Variants in TIMELESS observed in about 807,000 individuals in gnomAD.
The protein encoded by TIMELESS is protein timeless homolog.
TIMELESS carries 124 observed loss-of-function variants against 164.3 expected under a neutral mutation model. The ratio of observed to expected loss-of-function variants is 0.75; its 90% CI spans 0.65 to 0.88. The LOEUF (loss-of-function observed/expected upper bound fraction) is 0.88. Among genes scored for constraint, TIMELESS ranks in the 40% least tolerant of loss-of-function variants. The pLI is 0.00. For missense variants in TIMELESS, 1,422 were observed against 1,491.4 expected, an observed-to-expected ratio of 0.95 and a Z score of 0.77; for synonymous variants, 564 against 563.4, an observed-to-expected ratio of 1.00 and a Z score of -0.02.
Position 56,420,807 on chromosome 12 carries a change from A to T in TIMELESS, c.3109+6T>A. On this transcript the variant is annotated splice_donor_region_variant and intron_variant, in intron 25 of 28. Coordinates refer to ENST00000553532, the MANE Select transcript of TIMELESS (RefSeq NM_003920.5). ...CTTCTCCTAAAAGTGTCACCTGTCC[A>T]CTCACCATCCTCTTCCCGATCATCA... The T allele has an allele frequency of 6.2e-7, 1 of 1,614,074 alleles. No individual in the cohort carries two copies. The highest frequency in any genetic ancestry group is 8.5e-7 in the Non-Finnish European group (1 of 1,180,004).
intron 1 of TIMELESS, among the ~76,000 whole-genome samples, chr12:56,445,419 C>G (rs1308649840): frequency 2.7e-5 from 1 of 37,600 alleles, no homozygotes; most frequent in African/African-American, 8.6e-5. Flanking sequence ...CGAAACTCCA[C>G]GTCAAAAAAA....
At chr12:56,421,572 A>G in intron 22 of TIMELESS, 79 bp from the exon 23 acceptor site, 7 of 1,551,724 alleles carry the variant, frequency 4.5e-6, no homozygotes, top group Non-Finnish European at 6.2e-6. Context: ...CTCTGGAAAG[A>G]GGGTACCTCA....
At chr12:56,433,957 A>T (rs771049296) in intron 2 of TIMELESS, 31 bp from the exon 3 acceptor site, 1 of 1,612,842 alleles carries the variant, frequency 6.2e-7, no homozygotes, top group East Asian at 2.2e-5. Flanking sequence ...ATGCATGTGG[A>T]ACCTTGGAAG....
chr12:56,438,291 C>G (rs973742185), intron 1 of TIMELESS, among the ~76,000 whole-genome samples: 7 of 152,070 alleles, frequency 4.6e-5, no homozygotes, highest in Non-Finnish European at 1.0e-4. Flanking sequence ...GTGATCTGCC[C>G]GTCTTGGCCT....
Position 56,428,239 on chromosome 12 carries a change from C to T in TIMELESS, c.1575G>A (p.Val525=), listed in dbSNP as rs752366538. 1.5e-5 allele frequency: 24 copies of T among 1,597,666 alleles called. No homozygotes were observed. Among genetic ancestry groups the T allele is most frequent in the Middle Eastern group, 3.4e-4 (2 of 5,962 alleles). Reference sequence around the variant, plus strand: ...ACATTGTGGGGCTGCCCAGTACCTGCACCACCAGGTTCCCACGGCTCCGAC... The same window carrying T: ...ACATTGTGGGGCTGCCCAGTACCTGTACCACCAGGTTCCCACGGCTCCGAC... The part of the protein sequence containing the change: ...RFCRSRGNLV[V]QNKQKKRRKK... The change falls in exon 13 of 29, where the codon GTG becomes GTA. Residue 525 remains valine, a synonymous_variant. Coordinates refer to ENST00000553532, the MANE Select transcript of TIMELESS (RefSeq NM_003920.5).
At chr12:56,418,521 A>G (rs1881348171) in intron 26 of TIMELESS, among the ~76,000 whole-genome samples, 162 bp from the exon 27 acceptor site, 1 of 151,686 alleles carries the variant, frequency 6.6e-6, no homozygotes, top group South Asian at 2.1e-4. Context: ...AGTGCCTAGC[A>G]CAGTGCCTGC....
chr12:56,428,177 A>G (rs1881735456), intron 13 of TIMELESS, 59 bp downstream of exon 13: 1 of 1,470,492 alleles, frequency 6.8e-7, no homozygotes, highest in Admixed American at 2.2e-5. Context: ...GAGAAGAAAG[A>G]GCCCCCCTTC....
chr12:56,431,060 C>A, intron 8 of TIMELESS, 92 bp from the exon 9 acceptor site: 1 of 931,436 alleles, frequency 1.1e-6, no homozygotes, highest in Non-Finnish European at 1.6e-6. Flanking sequence ...CAAGTTAAAA[C>A]TACAAAATGT....
chr12:56,421,050 C>T lies in TIMELESS; in HGVS notation c.2953G>A (p.Glu985Lys), dbSNP rs1467654787. 3.7e-6 allele frequency: 6 copies of T among 1,614,092 alleles called. No homozygotes were observed. The highest frequency in any genetic ancestry group is 2.7e-5 in the African/African-American group (2 of 74,924). Residue 985 changes from glutamate (E) to lysine (K), a missense_variant, in exon 24 of 29, where the codon GAA becomes AAA. By Grantham distance (56) the Glu-to-Lys change is moderately conservative (BLOSUM62 1). Coordinates refer to ENST00000553532, the MANE Select transcript of TIMELESS (RefSeq NM_003920.5). ...TCTGCTTCTGAGCCCCCTTCTTCTT[C>T]CTCTTCGCTGTCTTCCTCAGGCAGG... ...ENLPEEDSEEEEEGGSEAEQV... is the reference protein window; with the variant it reads ...ENLPEEDSEEKEEGGSEAEQV...
rs1881405128 is a variant in TIMELESS at position 56,420,025 on chromosome 12, A to AAAAAAAAG, written c.3228+543_3228+544insCTTTTTTT. ...CTGTCTCAAAAAAAAAAAAAAAAAA[A>AAAAAAAAG]AAAAATATATATATATATATATATG... is the stretch of plus-strand genomic sequence containing the variant. On this transcript the variant is annotated intron_variant, in intron 26 of 28. Transcript: ENST00000553532. 5.6e-5 allele frequency among the ~76,000 whole-genome samples: 5 copies of AAAAAAAAG among 89,322 alleles called. 1 individual carries two copies. The highest frequency in any genetic ancestry group is 1.1e-4 in the African/African-American group (2 of 18,628). 58.6% of individuals were successfully genotyped at this position (89,322 alleles called of 152,430 possible).
intron 1 of TIMELESS, 42 bp from the exon 2 acceptor site, chr12:56,434,273 A>G: frequency 1.1e-6 from 1 of 925,796 alleles, no homozygotes. Flanking sequence ...GTTCCTCTCC[A>G]TGAAAAGAAG....
chr12:56,446,531 C>T (rs1005436045), intron 1 of TIMELESS, among the ~76,000 whole-genome samples: 2 of 152,058 alleles, frequency 1.3e-5, no homozygotes, highest in Non-Finnish European at 2.9e-5. Context: ...ATCAGCTTAG[C>T]TCTGAAGACT....
chr12:56,443,337 C>A (rs887235258), intron 1 of TIMELESS, among the ~76,000 whole-genome samples: 1 of 152,160 alleles, frequency 6.6e-6, no homozygotes, highest in Admixed American at 6.6e-5. Flanking sequence ...CTGTCTTATG[C>A]GGTTGAGATA....
chr12:56,433,283 C>T, intron 5 of TIMELESS, 98 bp downstream of exon 5: 2 of 1,454,920 alleles, frequency 1.4e-6, no homozygotes, highest in Non-Finnish European at 1.9e-6. Context: ...ACTACCACAT[C>T]CCCAAGGACT....
At chr12:56,424,968 C>A (rs748875098) in intron 14 of TIMELESS, 47 bp downstream of exon 14, 2 of 1,613,948 alleles carry the variant, frequency 1.2e-6, no homozygotes, top group Admixed American at 1.7e-5. Context: ...AGATTGTATA[C>A]CCTGAGCACT....
rs141827944 is a variant in TIMELESS, at chr12:56,428,264, C to G, written c.1550G>C (p.Cys517Ser). The change falls in exon 13 of 29, where the codon TGT becomes TCT. Residue 517 changes from cysteine to serine, a missense_variant. Cys to Ser is a moderately radical substitution (Grantham distance 112, BLOSUM62 -1). Transcript: ENST00000553532. ...CACCACCAGGTTCCCACGGCTCCGA[C>G]AGAATCGCTCCAACATTTTGAGGAA... ...HLFLKMLERF[C>S]RSRGNLVVQN... 1.9e-6 allele frequency: 3 copies of G among 1,608,042 alleles called. No homozygotes were observed. The highest frequency in any genetic ancestry group is 1.7e-5 in the Admixed American group (1 of 59,596).
rs775682195 is a variant in TIMELESS, at chr12:56,417,999, G to T, written c.3464C>A (p.Ala1155Asp). The change falls in exon 28 of 29, where the codon GCT (alanine) becomes GAT (aspartate). Residue 1155 changes from alanine (A) to aspartate (D), a missense_variant. Transcript: ENST00000553532. ...AGLASPEEED[A>D]VGKEPLKAAP... ...TGCCTTCAGCGGCTCTTTACCAACA[G>T]CGTCTTCCTCTGCAATGACCATAAA... 6.2e-7 allele frequency: 1 copy of T among 1,614,164 alleles called. No homozygotes were observed. Among genetic ancestry groups the T allele is most frequent in the Non-Finnish European group, 8.5e-7 (1 of 1,180,030 alleles).
intron 1 of TIMELESS, among the ~76,000 whole-genome samples, chr12:56,440,913 G>C (rs1868265439): frequency 6.6e-6 from 1 of 152,112 alleles, no homozygotes; most frequent in South Asian, 2.1e-4. Context: ...TGCCTCCCGG[G>C]TTCAAACTAT....
chr12:56,449,055 C>T (rs779892281), intron 1 of TIMELESS, among the ~76,000 whole-genome samples: 8 of 152,248 alleles, frequency 5.3e-5, no homozygotes, highest in Non-Finnish European at 1.2e-4. Flanking sequence ...TCCATCACAA[C>T]CCCATCCCGC....
Sources: gnomAD v4.1 joint callset for allele counts (sites outside exome capture counted in the v4.1 genomes callset) on GRCh38, gnomAD v4.1.1 for gene constraint, MANE v1.5 for transcripts, NCBI Gene and HGNC (gene_info 2026-07-23, HGNC 2026-07-21) for gene names.